The following NSD3 variants were observed in gnomAD, a reference collection of about 807,000 sequenced individuals.
NSD3 encodes the protein nuclear receptor binding SET domain protein 3, also known as histone-lysine N-methyltransferase NSD3.
NSD3 carries 24 observed loss-of-function variants against 160.8 expected under a neutral mutation model. That is an observed-to-expected ratio of 0.15 (90% CI 0.11 to 0.21). The LOEUF (loss-of-function observed/expected upper bound fraction) is 0.21, where lower values mean the gene tolerates loss of function less well. Ranked by LOEUF, NSD3 falls within the 10% of genes least tolerant of loss-of-function variation. The pLI is 1.00. For missense variants in NSD3, 1,157 were observed against 1,735.9 expected (o/e 0.67, Z 5.93); for synonymous variants, 520 against 600.0 (o/e 0.87, Z 1.95).
intron 4 of NSD3, among the ~76,000 whole-genome samples, 158 bp from the exon 5 acceptor site, chr8:38,331,743 A>G (rs1810065825): frequency 6.6e-6 from 1 of 152,210 alleles, no homozygotes; most frequent in African/African-American, 2.4e-5. Context: ...CCAGTTATAG[A>G]ACTAATAGCT....
At position 38,324,286 on chromosome 8, in the gene NSD3, C is replaced by G. The variant is rs181578249; in HGVS notation, c.1708+2444G>C. Among the ~76,000 whole-genome samples the G allele has an allele frequency of 1.6e-3, 245 of 152,284 alleles. 2 individuals are homozygous for G. Among genetic ancestry groups the G allele is most frequent in the African/African-American group, 5.5e-3 (230 of 41,560 alleles). On this transcript the variant is annotated intron_variant, in intron 7 of 23. Transcript: ENST00000317025. ...CTTCCCAATTCCATATTGAAAAAGG[C>G]TGTTTAAAATGCCCCATCCAACATG...
chr8:38,375,625 T>C (rs1435892479), intron 1 of NSD3, among the ~76,000 whole-genome samples: 1 of 152,028 alleles, frequency 6.6e-6, no homozygotes, highest in Non-Finnish European at 1.5e-5. Flanking sequence ...AGCAATTTCT[T>C]ACATTTGTCC....
chr8:38,361,749 C>T (rs1330480719), intron 1 of NSD3, among the ~76,000 whole-genome samples: 2 of 116,014 alleles, frequency 1.7e-5, no homozygotes, highest in South Asian at 3.0e-4. Context: ...AGCGAGACTC[C>T]GTCTCAAAAA....
In NSD3 at chr8:38,331,488, A is replaced by G. The variant is rs761940692; in HGVS notation, c.1008T>C (p.Tyr336=). 3.1e-6 allele frequency: 5 copies of G among 1,611,982 alleles called. No individual in the cohort carries two copies. Among genetic ancestry groups the G allele is most frequent in the Non-Finnish European group, 4.2e-6 (5 of 1,179,092 alleles). Residue 336 remains tyrosine, a synonymous_variant, in exon 5 of 24, where the codon TAT becomes TAC. Coordinates refer to ENST00000317025, the MANE Select transcript of NSD3 (RefSeq NM_023034.2). Reference sequence around the variant, plus strand: ...TGGTTGCCTCAGCCAGTAATTCTTCATACTGTTTATGACCTTTATACTCTC... The same window carrying G: ...TGGTTGCCTCAGCCAGTAATTCTTCGTACTGTTTATGACCTTTATACTCTC... ...RVREYKGHKQ[Y]EELLAEATKQ...
At chr8:38,379,087 A>G (rs1811474448) in intron 1 of NSD3, among the ~76,000 whole-genome samples, 1 of 151,974 alleles carries the variant, frequency 6.6e-6, no homozygotes, top group Non-Finnish European at 1.5e-5. Flanking sequence ...GGCATTTGTT[A>G]ATTTAAGGGT....
intron 2 of NSD3, among the ~76,000 whole-genome samples, chr8:38,342,176 A>T (rs898716215): frequency 6.6e-6 from 1 of 152,194 alleles, no homozygotes; most frequent in African/African-American, 2.4e-5. Flanking sequence ...TCAAGACTAT[A>T]TAAGTAAGAG....
intron 14 of NSD3, among the ~76,000 whole-genome samples, chr8:38,302,072 C>A (rs901900039): frequency 2.6e-5 from 4 of 152,184 alleles, no homozygotes; most frequent in African/African-American, 9.7e-5. Context: ...ATGTCAAACC[C>A]TGAAACATTT....
chr8:38,290,643 C>A lies in NSD3; in HGVS notation c.2950G>T (p.Val984Leu). The A allele has an allele frequency of 6.2e-7, 1 of 1,613,930 alleles. No homozygotes were observed. The highest frequency in any genetic ancestry group is 8.5e-7 in the Non-Finnish European group (1 of 1,179,868). ...WPAEICNPRS[V>L]PLNIQGLKHD... ...TTAAGGCCCTGGATGTTCAGTGGCA[C>A]AGACCTGGGGTTGCAGATCTCTGCT... The change falls in exon 17 of 24, where the codon GTG becomes TTG. Residue 984 changes from valine (V) to leucine (L), a missense_variant. Val to Leu is a conservative substitution (Grantham distance 32, BLOSUM62 1). This residue lies in a region of NSD3 where 437 missense variants were observed against 576.6 expected (regional missense o/e 0.76). Coordinates refer to ENST00000317025, the MANE Select transcript of NSD3 (RefSeq NM_023034.2).
At chr8:38,377,825 C>A (rs752196096) in intron 1 of NSD3, among the ~76,000 whole-genome samples, 2 of 151,876 alleles carry the variant, frequency 1.3e-5, no homozygotes, top group African/African-American at 2.4e-5. Flanking sequence ...CCCAGCTACT[C>A]GGGAGACTGA....
At chr8:38,315,668 T>G (rs1046603527) in intron 10 of NSD3, 124 bp from the exon 11 acceptor site, 2 of 1,367,038 alleles carry the variant, frequency 1.5e-6, no homozygotes, top group Non-Finnish European at 2.0e-6. Context: ...CCTTTTTCCT[T>G]CCTTTCTTTC....
At position 38,286,118 on chromosome 8, in the gene NSD3, T is replaced by C. The variant is rs143003349; in HGVS notation, c.3501+2369A>G. Reference sequence around the variant, plus strand: ...TGATTAGCTTCTAACCAACAGAATATGGCATGGGTGACGGGGTGATTATGT... The same window carrying C: ...TGATTAGCTTCTAACCAACAGAATACGGCATGGGTGACGGGGTGATTATGT... On this transcript the variant is annotated intron_variant, in intron 19 of 23. Transcript: ENST00000317025. 3.4e-3 allele frequency among the ~76,000 whole-genome samples: 513 copies of C among 152,246 alleles called. 2 individuals are homozygous for C. The highest frequency in any genetic ancestry group is 0.01 in the Middle Eastern group (3 of 294).
intron 4 of NSD3, among the ~76,000 whole-genome samples, chr8:38,332,436 T>C (rs1163079647): frequency 6.6e-6 from 1 of 152,206 alleles, no homozygotes; most frequent in African/African-American, 2.4e-5. Flanking sequence ...TGCGCCTGCA[T>C]CTCAGCTTTA....
chr8:38,321,116 T>C lies in NSD3; in HGVS notation c.1765A>G (p.Lys589Glu), dbSNP rs1261301525. 6.2e-7 allele frequency: 1 copy of C among 1,613,564 alleles called. No homozygotes were observed. The highest frequency in any genetic ancestry group is 8.5e-7 in the Non-Finnish European group (1 of 1,179,904). ...TTCTTTGGCACAACCTCAGTGGATT[T>C]CTCTGATTCAGAACGAGTTCTAATT... is the stretch of plus-strand genomic sequence containing the variant. ...RSIRTRSESE[K>E]STEVVPKKKI... The change falls in exon 8 of 24, where the codon AAA becomes GAA. Residue 589 changes from lysine (K) to glutamate (E), a missense_variant. Around this residue, in one of 10 missense-constraint regions of NSD3, gnomAD observed 102 missense variants for 126.5 expected, o/e 0.81. Coordinates refer to ENST00000317025, the MANE Select transcript of NSD3 (RefSeq NM_023034.2). The surrounding 1 kb of genome is among the most constrained non-coding windows in gnomAD (Gnocchi z 4.7).
At chr8:38,304,446 G>C (rs1180896879) in intron 14 of NSD3, 141 bp downstream of exon 14, 1 of 661,982 alleles carries the variant, frequency 1.5e-6, no homozygotes, top group Non-Finnish European at 2.4e-6. Context: ...CTCTCTCAGG[G>C]ATATATTACA....
chr8:38,301,125 A>G (rs1809265907), intron 14 of NSD3, among the ~76,000 whole-genome samples: 1 of 152,048 alleles, frequency 6.6e-6, no homozygotes, highest in East Asian at 1.9e-4. Context: ...ATTTGTCCCC[A>G]TGCCTGGCTA....
In NSD3 at chr8:38,338,611, G is replaced by C. The variant is rs777978186; in HGVS notation, c.676-4C>G. ...TGTCAACCCTCTCATTTGGTCTCTA[G>C]GTGAAAAGGTATAGGTAAGTAGAAT... On this transcript the variant is annotated splice_region_variant and splice_polypyrimidine_tract_variant and intron_variant, in intron 2 of 23. Coordinates refer to ENST00000317025, the MANE Select transcript of NSD3 (RefSeq NM_023034.2). The C allele has an allele frequency of 6.2e-7, 1 of 1,611,634 alleles. No homozygotes were observed. Among genetic ancestry groups the C allele is most frequent in the Non-Finnish European group, 8.5e-7 (1 of 1,178,080 alleles).
At position 38,305,008 on chromosome 8, in the gene NSD3, A is replaced by G. The variant is rs1012788593; in HGVS notation, c.2440+240T>C. Among the ~76,000 whole-genome samples, 6 of 152,226 alleles carry G rather than the reference A, an allele frequency of 3.9e-5. 1 individual carries two copies. In the East Asian group the frequency reaches 1.2e-3, roughly 29 times the overall value. ...TGCTGCAGAGACGGTGGTATCCAAT[A>G]TGGCACCTACCTGAAGGACTTTCAA... is the stretch of plus-strand genomic sequence containing the variant. On this transcript the variant is annotated intron_variant, in intron 13 of 23. Transcript: ENST00000317025.
chr8:38,327,919 T>C (rs1267065287), intron 6 of NSD3, among the ~76,000 whole-genome samples: 1 of 152,220 alleles, frequency 6.6e-6, no homozygotes, highest in African/African-American at 2.4e-5. Context: ...TGTATTTTTT[T>C]GGCCAGGCAC....
At chr8:38,368,574 C>T (rs894745642) in intron 1 of NSD3, among the ~76,000 whole-genome samples, 2 of 152,136 alleles carry the variant, frequency 1.3e-5, no homozygotes, top group African/African-American at 4.8e-5. Context: ...TTAAGTTATA[C>T]AACATTTTAG....
Sources: gnomAD v4.1 joint callset for allele counts (sites outside exome capture counted in the v4.1 genomes callset) on GRCh38, gnomAD v4.1.1 for gene constraint, gnomAD v4.1.1 regional missense constraint, Gnocchi (gnomAD v3.1) non-coding constraint, MANE v1.5 for transcripts, NCBI Gene and HGNC (gene_info 2026-07-23, HGNC 2026-07-21) for gene names.